Variants in IFT56 observed in about 807,000 individuals in gnomAD.
IFT56 encodes the protein intraflagellar transport protein 56.
At chr7:139,153,010 G>T in the IFT56 span, among the ~76,000 whole-genome samples, 2 of 151,938 alleles carry the variant, frequency 1.3e-5, no homozygotes, top group Non-Finnish European at 2.9e-5. Context: ...TTAGCAGGGC[G>T]TGGCCACGTG....
the IFT56 span, among the ~76,000 whole-genome samples, chr7:139,143,253 T>C: frequency 2.6e-5 from 4 of 152,324 alleles, no homozygotes; most frequent in South Asian, 8.3e-4. Flanking sequence ...ACAGGCATTA[T>C]ATGAAAATAA....
the IFT56 span, among the ~76,000 whole-genome samples, chr7:139,186,891 G>A: frequency 0.016 from 2,350 of 150,106 alleles, 33 homozygotes; most frequent in African/African-American, 0.03. Flanking sequence ...TCAGGAGATC[G>A]AGACCATCCT....
chr7:139,188,147 C>G, the IFT56 span, among the ~76,000 whole-genome samples: 73 of 147,410 alleles, frequency 5.0e-4, no homozygotes, highest in African/African-American at 1.8e-3. Context: ...GTTGCCCAGG[C>G]TGGAGTGCAA....
the IFT56 span, among the ~76,000 whole-genome samples, chr7:139,171,844 T>G: frequency 6.6e-6 from 1 of 152,186 alleles, no homozygotes; most frequent in African/African-American, 2.4e-5. Flanking sequence ...AGGCTTTATT[T>G]AGATCACCAA....
At chr7:139,165,262 T>C in the IFT56 span, 12 of 1,490,974 alleles carry the variant, frequency 8.0e-6, no homozygotes, top group Admixed American at 1.8e-5. Flanking sequence ...TGGTCTTACT[T>C]ACAATGAGAT....
the IFT56 span, chr7:139,179,722 T>A: frequency 8.3e-7 from 1 of 1,200,456 alleles, no homozygotes; most frequent in Non-Finnish European, 1.2e-6. Flanking sequence ...GAAATGACAT[T>A]GAAAGTTTTC....
chr7:139,187,673 T>C, the IFT56 span: 19 of 1,162,202 alleles, frequency 1.6e-5, no homozygotes, highest in Non-Finnish European at 2.1e-5. Flanking sequence ...AAAAGGTTGA[T>C]ATTAAATATT....
At chr7:139,189,366 C>T in the IFT56 span, 1 of 1,613,406 alleles carries the variant, frequency 6.2e-7, no homozygotes, top group Non-Finnish European at 8.5e-7. Context: ...GCACAGGTAA[C>T]ACCCAAGTAG....
the IFT56 span, among the ~76,000 whole-genome samples, chr7:139,177,544 G>A: frequency 6.6e-6 from 1 of 151,354 alleles, no homozygotes; most frequent in Non-Finnish European, 1.5e-5. Context: ...TTAGTTTTGT[G>A]TTTATCTGGT....
At chr7:139,176,987 C>T in the IFT56 span, among the ~76,000 whole-genome samples, 1 of 151,844 alleles carries the variant, frequency 6.6e-6, no homozygotes, top group African/African-American at 2.4e-5. Context: ...GTCTGGCCAA[C>T]ATGGTGGAAC....
chr7:139,163,171 C>T, the IFT56 span, among the ~76,000 whole-genome samples: 3 of 151,586 alleles, frequency 2.0e-5, no homozygotes, highest in Non-Finnish European at 4.4e-5. Context: ...GGTGAAACCC[C>T]GTCTCTACCA....
chr7:139,135,073 G>A, the IFT56 span, among the ~76,000 whole-genome samples: 2 of 152,176 alleles, frequency 1.3e-5, no homozygotes, highest in Non-Finnish European at 2.9e-5. Flanking sequence ...AAGGTCAAGA[G>A]ATCGAGACCA....
chr7:139,191,490 T>G, the IFT56 span: 1 of 152,228 alleles, frequency 6.6e-6, no homozygotes, highest in Non-Finnish European at 1.5e-5. Flanking sequence ...TTGCCTATAG[T>G]CAAAAAGCTT....
At chr7:139,149,164 G>A in the IFT56 span, among the ~76,000 whole-genome samples, 1 of 152,002 alleles carries the variant, frequency 6.6e-6, no homozygotes, top group East Asian at 1.9e-4. Context: ...AATTAGCTGG[G>A]CGTGGTGGCG....
At chr7:139,133,968 A>T in the IFT56 span, 1 of 1,356,734 alleles carries the variant, frequency 7.4e-7, no homozygotes, top group East Asian at 2.3e-5. Context: ...CGCAGAGAGT[A>T]ATCCCCAGCT....
chr7:139,161,988 A>G, the IFT56 span, among the ~76,000 whole-genome samples: 1 of 152,218 alleles, frequency 6.6e-6, no homozygotes, highest in Non-Finnish European at 1.5e-5. Flanking sequence ...GAATAGATTT[A>G]GGAGTTATTG....
the IFT56 span, chr7:139,190,658 T>C: frequency 3.3e-5 from 5 of 152,244 alleles, no homozygotes; most frequent in Non-Finnish European, 4.4e-5. Flanking sequence ...AATCTCCTAA[T>C]GGCTAGGCTC....
the IFT56 span, among the ~76,000 whole-genome samples, chr7:139,136,984 T>C: frequency 6.6e-6 from 1 of 152,332 alleles, no homozygotes; most frequent in African/African-American, 2.4e-5. Context: ...TCTAATGTTG[T>C]AGAGTTAGCT....
the IFT56 span, among the ~76,000 whole-genome samples, chr7:139,162,147 A>G: frequency 6.6e-6 from 1 of 152,214 alleles, no homozygotes; most frequent in Admixed American, 6.5e-5. Flanking sequence ...ATGAAACAAG[A>G]AAGGGCAAAC....
Sources: allele counts gnomAD v4.1 joint callset (sites outside exome capture counted in the v4.1 genomes callset), GRCh38; gene constraint gnomAD v4.1.1; transcripts MANE v1.5; gene names NCBI Gene and HGNC (gene_info 2026-07-23, HGNC 2026-07-21).